Variants in TM9SF3 observed in about 807,000 individuals in gnomAD.
The protein encoded by TM9SF3 is transmembrane 9 superfamily member 3.
Under a neutral mutation model 78.6 loss-of-function variants are expected in TM9SF3, and 14 were observed. The observed-to-expected ratio is 0.18, with a 90% CI of 0.12 to 0.28. The LOEUF is 0.28. Ranked by LOEUF, TM9SF3 falls within the 10% of genes least tolerant of loss-of-function variation. The probability of loss-of-function intolerance (pLI) is 1.00; values close to 1 mark genes in which losing one functional copy is unlikely to be tolerated. For missense variants in TM9SF3, 496 were observed against 721.9 expected, an observed-to-expected ratio of 0.69 and a Z score of 3.59; for synonymous variants, 231 against 241.7, an observed-to-expected ratio of 0.96 and a Z score of 0.41.
At chr10:96,526,739 T>C (rs2134128921) in intron 14 of TM9SF3, among the ~76,000 whole-genome samples, 1 of 152,204 alleles carries the variant, frequency 6.6e-6, no homozygotes, top group South Asian at 2.1e-4. Flanking sequence ...AACTGTGCTG[T>C]CTCCTAGGTG....
Position 96,586,778 on chromosome 10 carries a change from G to T in TM9SF3, c.58C>A (p.Leu20Met). ...VAAAAALWLL[L>M]LLLPRTRADE... Reference sequence around the variant, plus strand: ...GCCCGGGTCCGGGGCAGCAGCAGCAGCAGCAGCCACAGCGCGGCGGCCGCC... The same window carrying T: ...GCCCGGGTCCGGGGCAGCAGCAGCATCAGCAGCCACAGCGCGGCGGCCGCC... Residue 20 changes from leucine (L) to methionine (M), a missense_variant, in exon 1 of 15, where the codon CTG becomes ATG. Physicochemically the swap from Leu to Met is conservative, Grantham distance 15. Around this residue, in one of 4 missense-constraint regions of TM9SF3, gnomAD observed 58 missense variants for 32.9 expected, o/e 1.76. Coordinates refer to ENST00000371142, the MANE Select transcript of TM9SF3 (RefSeq NM_020123.4). The T allele has an allele frequency of 7.8e-7, 1 of 1,288,866 alleles. No individual in the cohort carries two copies. 79.8% of individuals were successfully genotyped at this position (1,288,866 alleles called of 1,614,324 possible).
chr10:96,559,680 A>T lies in TM9SF3; in HGVS notation c.639T>A (p.Asp213Glu). 6.3e-7 allele frequency: 1 copy of T among 1,595,380 alleles called. No individual in the cohort carries two copies. The highest frequency in any genetic ancestry group is 1.1e-5 in the South Asian group (1 of 87,940). Residue 213 changes from aspartate to glutamate, a missense_variant, in exon 5 of 15, where the codon GAT becomes GAA. By Grantham distance (45) the Asp-to-Glu change is conservative. Transcript: ENST00000371142. The part of the protein sequence containing the change: ...KFEDRFDKYL[D>E]PSFFQHRIHW... ...CTACCCGATGTTGAAAAAAGGACGG[A>T]TCAAGATATTTGTCAAATCGATCTT...
chr10:96,535,498 A>T (rs1486502419), intron 9 of TM9SF3, among the ~76,000 whole-genome samples: 1 of 152,246 alleles, frequency 6.6e-6, no homozygotes, highest in African/African-American at 2.4e-5. Context: ...AGTGTTAAAA[A>T]TACTTAATTT....
At chr10:96,572,249 T>C (rs921155790) in intron 2 of TM9SF3, among the ~76,000 whole-genome samples, 13 of 152,128 alleles carry the variant, frequency 8.5e-5, no homozygotes, top group African/African-American at 2.9e-4. Context: ...TGCATTCTCA[T>C]TTAAACCTGA....
rs546796040 is a variant in TM9SF3, at chr10:96,546,090, A to C, written c.1054+1805T>G. Among the ~76,000 whole-genome samples, 7 of 152,316 alleles carry C rather than the reference A, an allele frequency of 4.6e-5. No individual in the cohort carries two copies. In the South Asian group the frequency reaches 1.5e-3, roughly 32 times the overall value. On this transcript the variant is annotated intron_variant, in intron 8 of 14. Transcript: ENST00000371142. ...TAAGGTCCTGGATACCACTGGCTTCAAACTAGATCTACAGCATTATAGTGC... is the reference window on the plus strand; with the variant it reads ...TAAGGTCCTGGATACCACTGGCTTCCAACTAGATCTACAGCATTATAGTGC...
chr10:96,586,917 CGGCCGATT>C lies in TM9SF3; in HGVS notation c.-90_-83del. The C allele has an allele frequency of 9.2e-7, 1 of 1,087,450 alleles. No homozygotes were observed. Among genetic ancestry groups the C allele is most frequent in the Non-Finnish European group, 1.1e-6 (1 of 880,542 alleles). The allele number at this position is 1,087,450 out of a possible 1,614,324, so 67.4% of individuals were successfully genotyped here. ...TCCTCCGCCGCCGCCGCCTCCGCCG[CGGCCGATT>C]CGCATCCACGGGGCGCGGACAGACG... On this transcript the variant is annotated 5_prime_UTR_variant, in exon 1 of 15. It removes the in-frame stop codon of an upstream open reading frame in the 5' UTR. Coordinates refer to ENST00000371142, the MANE Select transcript of TM9SF3 (RefSeq NM_020123.4).
chr10:96,525,059 T>C (rs2134127893), intron 14 of TM9SF3, among the ~76,000 whole-genome samples: 1 of 152,146 alleles, frequency 6.6e-6, no homozygotes, highest in East Asian at 1.9e-4. Flanking sequence ...GTTACCTCTC[T>C]GGGTCTTCCT....
At chr10:96,524,525 A>C (rs1463710859) in intron 14 of TM9SF3, among the ~76,000 whole-genome samples, 9 of 151,882 alleles carry the variant, frequency 5.9e-5, no homozygotes, top group African/African-American at 1.9e-4. Flanking sequence ...AACAGTTTCA[A>C]CCTAGAGAAT....
intron 7 of TM9SF3, among the ~76,000 whole-genome samples, chr10:96,550,746 T>G (rs1436700147): frequency 6.6e-6 from 1 of 151,420 alleles, no homozygotes; most frequent in East Asian, 1.9e-4. Context: ...GACCTAGGAG[T>G]TTTTTTTTCA....
chr10:96,546,647 A>C (rs1054734793), intron 8 of TM9SF3, among the ~76,000 whole-genome samples: 3 of 152,226 alleles, frequency 2.0e-5, no homozygotes, highest in Non-Finnish European at 4.4e-5. Flanking sequence ...TACCTAAAAT[A>C]GTCAGGAACC....
At position 96,522,170 on chromosome 10, in the gene TM9SF3, C is replaced by T; in HGVS notation, c.*93G>A. 2 of 1,106,816 alleles carry T rather than the reference C, an allele frequency of 1.8e-6. No homozygotes were observed. The highest frequency in any genetic ancestry group is 2.5e-5 in the East Asian group (1 of 39,254). The allele number at this position is 1,106,816 out of a possible 1,614,324, so 68.6% of individuals were successfully genotyped here. A position where few individuals can be genotyped will look rare whatever the true frequency, so the allele number is the denominator to read the frequency against. On this transcript the variant is annotated 3_prime_UTR_variant, in exon 15 of 15. Transcript: ENST00000371142. ...CACAAAGTACCCAGTGTGTTAAAGC[C>T]CAAATCTCTTCTTGCGTTTGTTTGT... is the stretch of plus-strand genomic sequence containing the variant.
At chr10:96,536,101 C>T (rs1215540821) in intron 9 of TM9SF3, among the ~76,000 whole-genome samples, 1 of 151,938 alleles carries the variant, frequency 6.6e-6, no homozygotes, top group Middle Eastern at 3.2e-3. Context: ...TAAGATCGAA[C>T]ACCCATTCAA....
At chr10:96,558,020 T>C (rs11188826) in intron 5 of TM9SF3, among the ~76,000 whole-genome samples, 12,622 of 152,226 alleles carry the variant, frequency 0.083, 1,240 homozygotes, top group African/African-American at 0.24. Context: ...GCTTGGCAGA[T>C]AGCAGGTGCT....
intron 9 of TM9SF3, among the ~76,000 whole-genome samples, chr10:96,541,948 C>T (rs1848039300): frequency 6.6e-6 from 1 of 152,182 alleles, no homozygotes; most frequent in Non-Finnish European, 1.5e-5. Context: ...CAGGTAAACA[C>T]TACAGATTGG....
chr10:96,523,388 G>A (rs567288457), intron 14 of TM9SF3, among the ~76,000 whole-genome samples: 76 of 151,758 alleles, frequency 5.0e-4, no homozygotes, highest in Non-Finnish European at 9.4e-4. Flanking sequence ...CAAGAATCAA[G>A]CATCTCTCCT....
intron 1 of TM9SF3, among the ~76,000 whole-genome samples, chr10:96,586,382 G>A (rs1848629839): frequency 6.6e-6 from 1 of 152,136 alleles, no homozygotes; most frequent in Non-Finnish European, 1.5e-5. Flanking sequence ...AAAGCCCCGA[G>A]CCCAGCCTGC....
intron 8 of TM9SF3, among the ~76,000 whole-genome samples, chr10:96,547,453 G>A (rs552651407): frequency 2.3e-4 from 35 of 152,262 alleles, no homozygotes; most frequent in Admixed American, 1.3e-3. Flanking sequence ...AATAAAACGC[G>A]AGAATTCCAC....
At chr10:96,558,380 G>A (rs1038680527) in intron 5 of TM9SF3, among the ~76,000 whole-genome samples, 2 of 152,046 alleles carry the variant, frequency 1.3e-5, no homozygotes, top group Non-Finnish European at 2.9e-5. Flanking sequence ...GGTGGCTCAC[G>A]CCTGTAATCT....
At chr10:96,541,251 C>G (rs544105766) in intron 9 of TM9SF3, among the ~76,000 whole-genome samples, 3 of 152,170 alleles carry the variant, frequency 2.0e-5, no homozygotes, top group African/African-American at 4.8e-5. Context: ...TCCAGAACAT[C>G]TTGGCGAATC....
Sources: allele counts gnomAD v4.1 joint callset (sites outside exome capture counted in the v4.1 genomes callset), GRCh38; gene constraint gnomAD v4.1.1; regional missense constraint gnomAD v4.1.1; transcripts MANE v1.5; gene names NCBI Gene and HGNC (gene_info 2026-07-23, HGNC 2026-07-21).